Variants in CLEC3B observed in about 807,000 individuals in gnomAD.
CLEC3B encodes the protein tetranectin.
A neutral mutation model predicts 15.4 loss-of-function variants in CLEC3B; 13 were observed. That is an observed-to-expected ratio of 0.84 (90% CI 0.55 to 1.34). The LOEUF (loss-of-function observed/expected upper bound fraction) is 1.34, where lower values mean the gene tolerates loss of function less well. Ranked by LOEUF, CLEC3B falls within the 40% of genes most tolerant of loss-of-function variation. The probability of loss-of-function intolerance (pLI) is 0.00; values close to 1 mark genes in which losing one functional copy is unlikely to be tolerated. For synonymous variants in CLEC3B, 112 were observed against 114.7 expected, an observed-to-expected ratio of 0.98 and a Z score of 0.15; for missense variants, 242 against 268.6, an observed-to-expected ratio of 0.90 and a Z score of 0.69.
At chr3:45,030,547 C>G (rs1697539262) in intron 1 of CLEC3B, among the ~76,000 whole-genome samples, 1 of 152,140 alleles carries the variant, frequency 6.6e-6, no homozygotes, top group African/African-American at 2.4e-5. Context: ...ATCACTGAAG[C>G]CTGTGCCTAC....
At chr3:45,027,688 T>C (rs1403304799) in intron 1 of CLEC3B, among the ~76,000 whole-genome samples, 2 of 152,188 alleles carry the variant, frequency 1.3e-5, no homozygotes, top group Admixed American at 6.5e-5. Context: ...TTGAACTGTT[T>C]GGATTTTAAA....
chr3:45,034,235 A>G, intron 2 of CLEC3B, among the ~76,000 whole-genome samples: 1 of 152,350 alleles, frequency 6.6e-6, no homozygotes, highest in African/African-American at 2.4e-5. Context: ...AGCAGGAAGG[A>G]AAGGCAATGA....
At chr3:45,031,723 C>T (rs891393475) in intron 2 of CLEC3B, among the ~76,000 whole-genome samples, 3 of 152,222 alleles carry the variant, frequency 2.0e-5, no homozygotes, top group Non-Finnish European at 4.4e-5. Context: ...TCCCCATGTT[C>T]CTGTCATATA....
intron 2 of CLEC3B, among the ~76,000 whole-genome samples, chr3:45,032,239 A>G (rs1414106517): frequency 6.6e-6 from 1 of 152,030 alleles, no homozygotes; most frequent in African/African-American, 2.4e-5. Context: ...CAGCCTTCTC[A>G]CCGGATGGTT....
intron 2 of CLEC3B, among the ~76,000 whole-genome samples, chr3:45,035,307 C>T (rs1418905964): frequency 6.6e-6 from 1 of 152,146 alleles, no homozygotes; most frequent in Admixed American, 6.5e-5. Context: ...CCAAGACCTC[C>T]TGAGTGGGGA....
At chr3:45,029,712 C>T (rs1697528774) in intron 1 of CLEC3B, among the ~76,000 whole-genome samples, 1 of 152,204 alleles carries the variant, frequency 6.6e-6, no homozygotes, top group Non-Finnish European at 1.5e-5. Context: ...CCACCCACTT[C>T]CCCAAGCTGA....
At chr3:45,031,964 G>A (rs573378917) in intron 2 of CLEC3B, among the ~76,000 whole-genome samples, 5 of 151,726 alleles carry the variant, frequency 3.3e-5, no homozygotes, top group African/African-American at 9.7e-5. Flanking sequence ...CTCATTCACA[G>A]CACACCCGTG....
At position 45,032,272 on chromosome 3, in the gene CLEC3B, A is replaced by T. The variant is rs200382754; in HGVS notation, c.208+1347A>T. ...GTTTTACACACTCCCTCCCATTCAT[A>T]TGCTTTCCTTCAGCATTCACACTGC... is the stretch of plus-strand genomic sequence containing the variant. On this transcript the variant is annotated intron_variant, in intron 2 of 2. Transcript: ENST00000296130. Among the ~76,000 whole-genome samples the T allele has an allele frequency of 2.4e-4, 37 of 152,088 alleles. No homozygotes were observed. In the East Asian group the frequency reaches 7.1e-3, roughly 29 times the overall value.
At chr3:45,026,605 G>C in intron 1 of CLEC3B, 134 bp downstream of exon 1, 2 of 747,896 alleles carry the variant, frequency 2.7e-6, no homozygotes, top group Admixed American at 2.4e-5. Context: ...TGGGCTTTGG[G>C]GCTTGGGGGA....
At chr3:45,030,351 GC>G in intron 1 of CLEC3B, 1 of 449,442 alleles carries the variant, frequency 2.2e-6, no homozygotes, top group Non-Finnish European at 3.0e-6. Flanking sequence ...TGAGCAGCTC[GC>G]CCAGGCCACC....
At chr3:45,033,474 C>T (rs999610424) in intron 2 of CLEC3B, among the ~76,000 whole-genome samples, 4 of 152,122 alleles carry the variant, frequency 2.6e-5, no homozygotes, top group African/African-American at 7.2e-5. Context: ...CAGGGGGCAA[C>T]CTTTCCCTCC....
intron 1 of CLEC3B, among the ~76,000 whole-genome samples, chr3:45,027,395 A>T (rs1027146850): frequency 3.9e-5 from 6 of 152,258 alleles, no homozygotes; most frequent in Non-Finnish European, 8.8e-5. Context: ...CATCGGGGCC[A>T]TGGGGCCTCA....
At chr3:45,030,956 G>A (rs2125980052) in intron 2 of CLEC3B, 31 bp downstream of exon 2, 3 of 1,462,964 alleles carry the variant, frequency 2.1e-6, no homozygotes, top group Admixed American at 2.0e-5. Flanking sequence ...CTCTGGGCAG[G>A]AGCGTCTGAG....
At chr3:45,032,102 T>C (rs1395509876) in intron 2 of CLEC3B, among the ~76,000 whole-genome samples, 1 of 151,936 alleles carries the variant, frequency 6.6e-6, no homozygotes, top group Non-Finnish European at 1.5e-5. Flanking sequence ...GAAATCACCT[T>C]GACTCCTCAG....
rs781168031 is a variant in CLEC3B at position 45,035,803 on chromosome 3, C to A, written c.488C>A (p.Ala163Glu). Residue 163 changes from alanine to glutamate, a missense_variant, in exon 3 of 3, where the codon GCG (alanine) becomes GAG (glutamate). Physicochemically the swap from Ala to Glu is moderately radical, Grantham distance 107. Coordinates refer to ENST00000296130, the MANE Select transcript of CLEC3B (RefSeq NM_003278.3). ...AYKNWETEIT[A>E]QPDGGKTENC... is the part of the protein sequence containing the mutation. ...AAGAACTGGGAGACTGAGATCACCGCGCAACCCGATGGCGGCAAGACCGAG... is the reference window on the plus strand; with the variant it reads ...AAGAACTGGGAGACTGAGATCACCGAGCAACCCGATGGCGGCAAGACCGAG... 1 of 1,613,514 alleles carries A rather than the reference C, an allele frequency of 6.2e-7. No individual in the cohort carries two copies. The highest frequency in any genetic ancestry group is 1.1e-5 in the South Asian group (1 of 91,084).
At chr3:45,028,261 A>G (rs1697511010) in intron 1 of CLEC3B, among the ~76,000 whole-genome samples, 2 of 152,218 alleles carry the variant, frequency 1.3e-5, no homozygotes, top group African/African-American at 4.8e-5. Flanking sequence ...ATACATTAGA[A>G]TCCAGGTGCC....
At chr3:45,026,521 C>T (rs745936314) in intron 1 of CLEC3B, 50 bp downstream of exon 1, 3 of 1,501,628 alleles carry the variant, frequency 2.0e-6, no homozygotes, top group African/African-American at 1.4e-5. Flanking sequence ...GCAGGTCCCC[C>T]TCTCCTTAGT....
chr3:45,030,034 C>T (rs2125979759), intron 1 of CLEC3B: 2 of 437,584 alleles, frequency 4.6e-6, no homozygotes, highest in Admixed American at 1.3e-4. Flanking sequence ...TTAGGGCAGC[C>T]TGGGTTTCCT....
chr3:45,035,140 G>A (rs1429452350), intron 2 of CLEC3B, among the ~76,000 whole-genome samples: 2 of 152,236 alleles, frequency 1.3e-5, no homozygotes, highest in Non-Finnish European at 2.9e-5. Flanking sequence ...AGGGAGAGCT[G>A]AGCTGCAGTG....
Sources: allele counts gnomAD v4.1 joint callset (sites outside exome capture counted in the v4.1 genomes callset), GRCh38; gene constraint gnomAD v4.1.1; transcripts MANE v1.5; gene names NCBI Gene and HGNC (gene_info 2026-07-23, HGNC 2026-07-21).